Variants in TNRC6A observed in about 807,000 individuals in gnomAD.
TNRC6A encodes trinucleotide repeat containing adaptor 6A, also known as trinucleotide repeat-containing gene 6A protein.
Under a neutral mutation model 221.2 loss-of-function variants are expected in TNRC6A, and 44 were observed. The ratio of observed to expected loss-of-function variants is 0.20; its 90% CI spans 0.16 to 0.26. TNRC6A has a LOEUF of 0.26. Among genes scored for constraint, TNRC6A ranks in the 10% least tolerant of loss-of-function variants. The pLI is 1.00. For synonymous variants in TNRC6A, 847 were observed against 838.5 expected, an observed-to-expected ratio of 1.01 and a Z score of -0.18; for missense variants, 2,199 against 2,404.4, an observed-to-expected ratio of 0.91 and a Z score of 1.79.
intron 2 of TNRC6A, among the ~76,000 whole-genome samples, chr16:24,702,596 A>G (rs1267152751): frequency 6.6e-6 from 1 of 152,134 alleles, no homozygotes; most frequent in Non-Finnish European, 1.5e-5. Context: ...AATAATTCAC[A>G]TACCCTACAA....
intron 3 of TNRC6A, among the ~76,000 whole-genome samples, chr16:24,754,738 A>G (rs892078232): frequency 1.3e-5 from 2 of 152,164 alleles, no homozygotes; most frequent in East Asian, 3.8e-4. Flanking sequence ...CCTTTACTTG[A>G]AGCATGCAAT....
At chr16:24,618,303 C>A (rs1446539277) in intron 1 of TNRC6A, among the ~76,000 whole-genome samples, 1 of 152,158 alleles carries the variant, frequency 6.6e-6, no homozygotes, top group Non-Finnish European at 1.5e-5. Context: ...TTGCATGTGC[C>A]AGCCACTGAG....
intron 2 of TNRC6A, among the ~76,000 whole-genome samples, chr16:24,646,635 T>G (rs1323956932): frequency 6.6e-6 from 1 of 152,242 alleles, no homozygotes; most frequent in East Asian, 1.9e-4. Context: ...GAAACTAATT[T>G]TTTCATATCT....
intron 1 of TNRC6A, among the ~76,000 whole-genome samples, chr16:24,637,057 G>A (rs1901672412): frequency 6.6e-6 from 1 of 152,010 alleles, no homozygotes; most frequent in African/African-American, 2.4e-5. Flanking sequence ...TTTTGAGACA[G>A]GGTCTCACTC....
chr16:24,730,408 C>T, intron 2 of TNRC6A, 108 bp downstream of exon 2: 2 of 1,344,400 alleles, frequency 1.5e-6, no homozygotes, highest in Non-Finnish European at 2.0e-6. Flanking sequence ...TCTTCCGCAC[C>T]CGGAGAGCAG....
chr16:24,745,924 C>G (rs1336675100), intron 2 of TNRC6A, among the ~76,000 whole-genome samples: 2 of 151,916 alleles, frequency 1.3e-5, no homozygotes, highest in African/African-American at 4.8e-5. Flanking sequence ...CAACAGTCTT[C>G]TCACCCTTGT....
At chr16:24,783,922 T>C (rs1294994598) in intron 5 of TNRC6A, among the ~76,000 whole-genome samples, 1 of 152,258 alleles carries the variant, frequency 6.6e-6, no homozygotes, top group Non-Finnish European at 1.5e-5. Flanking sequence ...ATATTAGTTA[T>C]ACCTGAGGAG....
intron 12 of TNRC6A, 53 bp from the exon 13 acceptor site, chr16:24,804,652 C>T (rs1390968670): frequency 1.3e-6 from 2 of 1,534,136 alleles, no homozygotes; most frequent in Non-Finnish European, 1.7e-6. Flanking sequence ...TGATTTCTCC[C>T]TTCCACTTGT....
intron 2 of TNRC6A, among the ~76,000 whole-genome samples, chr16:24,717,082 C>T (rs1305691940): frequency 1.3e-5 from 2 of 150,940 alleles, no homozygotes; most frequent in Non-Finnish European, 2.9e-5. Context: ...GTGATAATTG[C>T]TATTATTTAT....
intron 1 of TNRC6A, among the ~76,000 whole-genome samples, chr16:24,617,451 T>A (rs950452033): frequency 6.6e-6 from 1 of 152,174 alleles, no homozygotes; most frequent in African/African-American, 2.4e-5. Flanking sequence ...TAATGCCTAG[T>A]GTGATTGTGT....
At chr16:24,788,419 C>T (rs1293416731) in intron 5 of TNRC6A, among the ~76,000 whole-genome samples, 2 of 152,114 alleles carry the variant, frequency 1.3e-5, no homozygotes, top group Non-Finnish European at 2.9e-5. Context: ...AAAAGCTTTC[C>T]AATTCTTACC....
In TNRC6A at chr16:24,806,609, A is replaced by G. The variant is rs2058437300; in HGVS notation, c.4365A>G (p.Gln1455=). Residue 1455 remains glutamine (Q), a synonymous_variant, in exon 17 of 25, where the codon CAA becomes CAG. Coordinates refer to ENST00000395799, the MANE Select transcript of TNRC6A (RefSeq NM_014494.4). ...RPLSVQQQMM[Q]QSRQLDPNLL... Reference sequence around the variant, plus strand: ...TTAGTGTGCAGCAGCAAATGATGCAACAATCTCGTCAACTTGATCCAAACC... The same window carrying G: ...TTAGTGTGCAGCAGCAAATGATGCAGCAATCTCGTCAACTTGATCCAAACC... 9 of 1,614,214 alleles carry G rather than the reference A, an allele frequency of 5.6e-6. No individual in the cohort carries two copies. The highest frequency in any genetic ancestry group is 1.7e-5 in the Admixed American group (1 of 60,018).
intron 1 of TNRC6A, among the ~76,000 whole-genome samples, chr16:24,618,642 ATTTTTTTT>A (rs61228496): frequency 2.0e-4 from 18 of 88,062 alleles, no homozygotes; most frequent in Admixed American, 1.3e-3. Context: ...CATTTCATGA[ATTTTTTTT>A]TTTTTTTTTT....
chr16:24,671,719 T>C (rs1467760722), intron 2 of TNRC6A, among the ~76,000 whole-genome samples: 1 of 152,152 alleles, frequency 6.6e-6, no homozygotes, highest in Non-Finnish European at 1.5e-5. Flanking sequence ...CTTAAAAATA[T>C]CAATGTCAGG....
At chr16:24,718,089 C>T (rs11861839) in intron 2 of TNRC6A, among the ~76,000 whole-genome samples, 15,484 of 152,058 alleles carry the variant, frequency 0.1, 1,815 homozygotes, top group East Asian at 0.35. Context: ...GTTCATTCTT[C>T]GTATTCAACA....
At position 24,687,825 on chromosome 16, in the gene TNRC6A, A is replaced by AGAAGAGGAAGAG. The variant is rs1425710632; in HGVS notation, n.402+46828_402+46839dup. Among the ~76,000 whole-genome samples, 33 of 134,878 alleles carry AGAAGAGGAAGAG rather than the reference A, an allele frequency of 2.4e-4. No homozygotes were observed. The East Asian group carries it at 4.3e-3, about 18-fold the overall frequency. The allele number at this position is 134,878 out of a possible 152,430, so 88.5% of individuals were successfully genotyped here. A position where few individuals can be genotyped will look rare whatever the true frequency, so the allele number is the denominator to read the frequency against. On this transcript the variant is annotated intron_variant and non_coding_transcript_variant, in intron 2 of 2. Transcript: ENST00000566108. Reference sequence around the variant, plus strand: ...GAGAAGGAGAGGAAGAGGAAGAGGAAGAAGAGGAAGAGGAAGAGGAAGAAG... The same window carrying AGAAGAGGAAGAG: ...GAGAAGGAGAGGAAGAGGAAGAGGAAGAAGAGGAAGAGGAAGAGGAAGAGGAAGAGGAAGAAG...
At chr16:24,815,482 G>T in intron 19 of TNRC6A, 177 bp downstream of exon 19, 1 of 692,652 alleles carries the variant, frequency 1.4e-6, no homozygotes, top group Non-Finnish European at 2.5e-6. Flanking sequence ...GCAAGTGAGT[G>T]TGTCAGCCTG....
In TNRC6A at chr16:24,790,219, G is replaced by T. The variant is rs763571965; in HGVS notation, c.1577G>T (p.Gly526Val). 6.2e-7 allele frequency: 1 copy of T among 1,614,188 alleles called. No homozygotes were observed. Among genetic ancestry groups the T allele is most frequent in the Non-Finnish European group, 8.5e-7 (1 of 1,180,038 alleles). ...TATGGTACTACATGGGGTGCCTATG[G>T]TTCTAATTACTCTGGAGACAAATGT... ...GSYGTTWGAY[G>V]SNYSGDKCSG... is the part of the protein sequence containing the mutation. Residue 526 changes from glycine (G) to valine (V), a missense_variant, in exon 6 of 25, where the codon GGT becomes GTT. Around this residue, in one of 8 missense-constraint regions of TNRC6A, gnomAD observed 1,405 missense variants for 1,400.2 expected, o/e 1.00. Coordinates refer to ENST00000395799, the MANE Select transcript of TNRC6A (RefSeq NM_014494.4).
At chr16:24,795,713 A>C (rs181958612) in intron 8 of TNRC6A, 194 bp from the exon 9 acceptor site, 1 of 468,560 alleles carries the variant, frequency 2.1e-6, no homozygotes, top group Non-Finnish European at 3.9e-6. Flanking sequence ...CATGTTTTAC[A>C]TAAGTCATTT....
Sources: allele counts gnomAD v4.1 joint callset (sites outside exome capture counted in the v4.1 genomes callset), GRCh38; gene constraint gnomAD v4.1.1; regional missense constraint gnomAD v4.1.1; transcripts MANE v1.5; gene names NCBI Gene and HGNC (gene_info 2026-07-23, HGNC 2026-07-21).